The following ABCC5 variants were observed in gnomAD, a reference collection of about 807,000 sequenced individuals.
The protein encoded by ABCC5 is ATP binding cassette subfamily C member 5, also known as ATP-binding cassette sub-family C member 5.
In ABCC5, 61 loss-of-function variants were observed where a neutral mutation model predicts 160.9. That is an observed-to-expected ratio of 0.38 (90% CI 0.31 to 0.47). The LOEUF (loss-of-function observed/expected upper bound fraction) is 0.47, where lower values mean the gene tolerates loss of function less well. Ranked by LOEUF, ABCC5 falls within the 20% of genes least tolerant of loss-of-function variation. The pLI is 0.99. For missense variants in ABCC5, 1,308 were observed against 1,813.3 expected, an observed-to-expected ratio of 0.72 and a Z score of 5.06; for synonymous variants, 666 against 700.6, an observed-to-expected ratio of 0.95 and a Z score of 0.78.
chr3:183,967,350 T>C (rs1717317500), intron 12 of ABCC5: 1 of 267,716 alleles, frequency 3.7e-6, no homozygotes, highest in Non-Finnish European at 7.3e-6. Flanking sequence ...TTGGCAGCGC[T>C]GCAGTGTAGG....
intron 11 of ABCC5, among the ~76,000 whole-genome samples, chr3:183,969,361 C>A (rs1449854566): frequency 6.6e-6 from 1 of 152,154 alleles, no homozygotes; most frequent in Non-Finnish European, 1.5e-5. Context: ...CCTCAATAAT[C>A]AAGCTAATAG....
At chr3:183,973,116 G>A (rs1167610852) in intron 10 of ABCC5, among the ~76,000 whole-genome samples, 1 of 143,932 alleles carries the variant, frequency 6.9e-6, no homozygotes, top group African/African-American at 2.6e-5. Context: ...GTGCAGTGGT[G>A]CAATCTCGGC....
At position 183,951,632 on chromosome 3, in the gene ABCC5, G is replaced by A; in HGVS notation, c.2815-62C>T. 1.9e-6 allele frequency: 3 copies of A among 1,585,292 alleles called. No homozygotes were observed. Among genetic ancestry groups the A allele is most frequent in the Admixed American group, 3.5e-5 (2 of 57,110 alleles). The stretch of plus-strand genomic sequence containing the variant: ...ACGGCTCTGTTCCTACTGGTCCAGA[G>A]AACCGCTCCGCAGCACATCCACTCC... On this transcript the variant is annotated intron_variant, in intron 19 of 29. Transcript: ENST00000334444. The surrounding 1 kb of genome is among the most constrained non-coding windows in gnomAD (Gnocchi z 4.7).
chr3:183,936,871 G>A (rs1188645455), intron 26 of ABCC5, among the ~76,000 whole-genome samples: 1 of 152,234 alleles, frequency 6.6e-6, no homozygotes, highest in African/African-American at 2.4e-5. Context: ...GGAGGCTGAA[G>A]CTTAAGGCTA....
chr3:183,948,941 C>T (rs1183692077), intron 22 of ABCC5, among the ~76,000 whole-genome samples: 1 of 152,124 alleles, frequency 6.6e-6, no homozygotes, highest in African/African-American at 2.4e-5. Flanking sequence ...TGACCTCAGG[C>T]GATCCGCCCA....
chr3:184,002,528 G>A (rs1178550831), intron 2 of ABCC5, among the ~76,000 whole-genome samples: 3 of 152,186 alleles, frequency 2.0e-5, no homozygotes, highest in South Asian at 2.1e-4. Context: ...GGTAACATTC[G>A]ATTCATAAGC....
chr3:183,995,307 A>G (rs1720177540), intron 2 of ABCC5, among the ~76,000 whole-genome samples: 1 of 151,892 alleles, frequency 6.6e-6, no homozygotes, highest in East Asian at 1.9e-4. Flanking sequence ...TAATTTACCA[A>G]TTTTTTTCTT....
chr3:183,938,364 T>A (rs998419959), intron 25 of ABCC5, among the ~76,000 whole-genome samples: 2 of 151,968 alleles, frequency 1.3e-5, no homozygotes, highest in African/African-American at 4.8e-5. Flanking sequence ...GGTGGTGCGA[T>A]CTCGGCTCAC....
chr3:183,957,343 C>T (rs542528040), intron 17 of ABCC5, among the ~76,000 whole-genome samples: 12 of 106,164 alleles, frequency 1.1e-4, no homozygotes, highest in East Asian at 4.3e-4. Flanking sequence ...TCCGTGTGTA[C>T]ATCACATCGG....
intron 8 of ABCC5, among the ~76,000 whole-genome samples, chr3:183,979,071 G>A (rs753007232): frequency 3.3e-5 from 5 of 152,204 alleles, no homozygotes; most frequent in Non-Finnish European, 5.9e-5. Flanking sequence ...GGCCAGGTGC[G>A]GTGGCTCATG....
intron 5 of ABCC5, chr3:183,984,779 T>C: frequency 6.4e-7 from 1 of 1,551,860 alleles, no homozygotes; most frequent in Non-Finnish European, 8.7e-7. Context: ...AATGTGGAAC[T>C]GAGTCACAGG....
intron 15 of ABCC5, among the ~76,000 whole-genome samples, chr3:183,962,050 C>G (rs1290584374): frequency 1.3e-5 from 2 of 152,178 alleles, no homozygotes; most frequent in African/African-American, 4.8e-5. Context: ...CCGCGCCCAG[C>G]TGGAGACATT....
At chr3:183,965,080 C>A in intron 14 of ABCC5, 105 bp downstream of exon 14, 1 of 1,173,304 alleles carries the variant, frequency 8.5e-7, no homozygotes. Context: ...AGCCTAACTC[C>A]CTGTGAGGCT....
At chr3:183,922,877 C>T (rs554375748) in intron 29 of ABCC5, among the ~76,000 whole-genome samples, 1 of 140,772 alleles carries the variant, frequency 7.1e-6, no homozygotes, top group African/African-American at 2.6e-5. Flanking sequence ...GAGCAGGCAT[C>T]CTGTACCAGC....
chr3:183,966,883 CCT>C (rs1410239690), intron 12 of ABCC5, among the ~76,000 whole-genome samples: 2 of 152,160 alleles, frequency 1.3e-5, no homozygotes, highest in Non-Finnish European at 2.9e-5. Context: ...CCCTGCTCCC[CCT>C]CTGTTTCATT....
At chr3:183,971,519 G>C (rs749316398) in intron 11 of ABCC5, 44 bp downstream of exon 11, 1 of 1,562,784 alleles carries the variant, frequency 6.4e-7, no homozygotes, top group Non-Finnish European at 8.7e-7. Context: ...GATCAGCATG[G>C]GGTGGTGGGG....
In ABCC5 at chr3:183,953,156, A is replaced by C. The variant is rs754341202; in HGVS notation, c.2597T>G (p.Phe866Cys). 1 of 1,614,134 alleles carries C rather than the reference A, an allele frequency of 6.2e-7. No homozygotes were observed. Among genetic ancestry groups the C allele is most frequent in the South Asian group, 1.1e-5 (1 of 91,070 alleles). Reference protein sequence around the residue: ...PLAFLVIMALFMLNVGSTAFS... With the variant: ...PLAFLVIMALCMLNVGSTAFS... Reference sequence around the variant, plus strand: ...GGCGGTGCTGCCTACATTCAGCATGAAAAGGGCCATAATAACCAGGAATGC... The same window carrying C: ...GGCGGTGCTGCCTACATTCAGCATGCAAAGGGCCATAATAACCAGGAATGC... Residue 866 changes from phenylalanine (F) to cysteine (C), a missense_variant, in exon 18 of 30, where the codon TTC (phenylalanine) becomes TGC (cysteine). Transcript: ENST00000334444.
rs954258560 is a variant in ABCC5 at position 183,921,995 on chromosome 3, C to T, written c.4213-594G>A. 1.3e-5 allele frequency among the ~76,000 whole-genome samples: 2 copies of T among 151,598 alleles called. No individual in the cohort carries two copies. Among genetic ancestry groups the T allele is most frequent in the African/African-American group, 4.9e-5 (2 of 41,178 alleles). ...GCAGTGAACTGAGATTGTACCACTG[C>T]ATGCCAGGCTGGGCGACACAACGAG... is the stretch of plus-strand genomic sequence containing the variant. On this transcript the variant is annotated intron_variant, in intron 29 of 29. Transcript: ENST00000334444. The surrounding 1 kb of genome is among the most constrained non-coding windows in gnomAD (Gnocchi z 4.1).
Position 183,982,610 on chromosome 3 carries a change from G to A in ABCC5, c.840C>T (p.Cys280=), listed in dbSNP as rs759409552. 6.2e-7 allele frequency: 1 copy of A among 1,614,158 alleles called. No homozygotes were observed. The highest frequency in any genetic ancestry group is 1.1e-5 in the South Asian group (1 of 91,076). ...CAAACATTCTCTGCCCATCGTTGGA[G>A]CAAATGTTGATGAGCTATAAGATAC... ...EKSLGELINI[C]SNDGQRMFEA... The change falls in exon 7 of 30, where the codon TGC becomes TGT. Residue 280 remains cysteine (C), a synonymous_variant. Transcript: ENST00000334444. This position sits in a 1 kb window ranked among gnomAD's most constrained non-coding sequence, Gnocchi z 5.2.
Sources: allele counts gnomAD v4.1 joint callset (sites outside exome capture counted in the v4.1 genomes callset), GRCh38; gene constraint gnomAD v4.1.1; non-coding constraint Gnocchi (gnomAD v3.1); transcripts MANE v1.5; gene names NCBI Gene and HGNC (gene_info 2026-07-23, HGNC 2026-07-21).